Variants in PPARG observed in about 807,000 individuals in gnomAD.
The protein encoded by PPARG is peroxisome proliferator activated receptor gamma, also known as peroxisome proliferator-activated receptor gamma.
Under a neutral mutation model 39.2 loss-of-function variants are expected in PPARG, and 17 were observed. That is an observed-to-expected ratio of 0.43 (90% CI 0.30 to 0.65). The LOEUF is 0.65. Among genes scored for constraint, PPARG ranks in the 30% least tolerant of loss-of-function variants. The probability of loss-of-function intolerance (pLI) is 0.13; values close to 1 mark genes in which losing one functional copy is unlikely to be tolerated. For missense variants in PPARG, 406 were observed against 585.9 expected (o/e 0.69, Z 3.17); for synonymous variants, 223 against 215.7 (o/e 1.03, Z -0.30).
intron 1 of PPARG, among the ~76,000 whole-genome samples, chr3:12,308,507 C>A (rs527346401): frequency 6.6e-6 from 1 of 152,084 alleles, no homozygotes; most frequent in East Asian, 1.9e-4. Flanking sequence ...TTTATTGAGC[C>A]AATCGTTATG....
chr3:12,386,935 G>T (rs1468279629), intron 4 of PPARG, among the ~76,000 whole-genome samples: 1 of 126,602 alleles, frequency 7.9e-6, no homozygotes, highest in Non-Finnish European at 1.6e-5. Flanking sequence ...CATTCTCATT[G>T]TTCCACTCCC....
At chr3:12,392,412 T>C (rs2050108680) in intron 4 of PPARG, among the ~76,000 whole-genome samples, 1 of 152,190 alleles carries the variant, frequency 6.6e-6, no homozygotes, top group Non-Finnish European at 1.5e-5. Flanking sequence ...AAAAGGGACC[T>C]GGAGATCCTC....
At chr3:12,319,987 G>A (rs958898812) in intron 2 of PPARG, among the ~76,000 whole-genome samples, 4 of 152,152 alleles carry the variant, frequency 2.6e-5, no homozygotes, top group Non-Finnish European at 5.9e-5. Flanking sequence ...AAGAGGTTGA[G>A]TAACTTACTC....
chr3:12,340,674 A>G (rs2048157694), intron 2 of PPARG, among the ~76,000 whole-genome samples: 1 of 152,226 alleles, frequency 6.6e-6, no homozygotes, highest in South Asian at 2.1e-4. Context: ...TTATTAGTCC[A>G]CAAACCTGTC....
intron 1 of PPARG, among the ~76,000 whole-genome samples, chr3:12,311,473 A>G (rs1205154635): frequency 6.6e-6 from 1 of 152,242 alleles, no homozygotes; most frequent in East Asian, 1.9e-4. Flanking sequence ...TTCCTGCTAC[A>G]GTTAACAAAA....
intron 7 of PPARG, among the ~76,000 whole-genome samples, chr3:12,424,783 G>A (rs1324306127): frequency 6.6e-6 from 1 of 152,134 alleles, no homozygotes; most frequent in Non-Finnish European, 1.5e-5. Context: ...AGGGACAGGA[G>A]TTCCAAATCC....
chr3:12,424,629 A>C (rs1487482613), intron 7 of PPARG, among the ~76,000 whole-genome samples: 1 of 152,176 alleles, frequency 6.6e-6, no homozygotes, highest in Admixed American at 6.5e-5. Flanking sequence ...GGAAGAATGA[A>C]AACCCAGCAC....
At chr3:12,296,419 A>T (rs926778921) in intron 1 of PPARG, among the ~76,000 whole-genome samples, 2 of 151,592 alleles carry the variant, frequency 1.3e-5, no homozygotes, top group African/African-American at 4.9e-5. Context: ...TGTTTTAGGG[A>T]CTCTGCTTTA....
At chr3:12,310,535 C>T (rs866762101) in intron 1 of PPARG, among the ~76,000 whole-genome samples, 1 of 73,116 alleles carries the variant, frequency 1.4e-5, no homozygotes, top group Non-Finnish European at 2.8e-5. Flanking sequence ...GGGATCTCGG[C>T]TCACTGCAAG....
intron 4 of PPARG, among the ~76,000 whole-genome samples, chr3:12,383,156 A>G (rs1042106863): frequency 1.7e-4 from 26 of 152,172 alleles, no homozygotes; most frequent in Non-Finnish European, 3.4e-4. Flanking sequence ...TGTATCCTTC[A>G]TCAGGCCCCC....
At chr3:12,359,209 G>T (rs527320342) in intron 2 of PPARG, among the ~76,000 whole-genome samples, 3 of 152,106 alleles carry the variant, frequency 2.0e-5, no homozygotes, top group Non-Finnish European at 4.4e-5. Flanking sequence ...CACCTTGCAC[G>T]TAGTATTAGG....
At chr3:12,370,652 T>C (rs1400584186) in intron 2 of PPARG, among the ~76,000 whole-genome samples, 2 of 152,242 alleles carry the variant, frequency 1.3e-5, no homozygotes, top group Non-Finnish European at 2.9e-5. Flanking sequence ...TTTTTCTCTC[T>C]TTTGTGTATT....
At chr3:12,351,635 GATTCCTTCACTGATAC>G (rs2048489977) in intron 2 of PPARG, 3 of 1,611,742 alleles carry the variant, frequency 1.9e-6, no homozygotes, top group Non-Finnish European at 2.5e-6. Context: ...CCCAGAAAGC[GATTCCTTCACTGATAC>G]ACTGTCTGCA....
At chr3:12,350,434 A>G (rs2048447593) in intron 2 of PPARG, among the ~76,000 whole-genome samples, 1 of 152,122 alleles carries the variant, frequency 6.6e-6, no homozygotes, top group Non-Finnish European at 1.5e-5. Context: ...CCAGATATAT[A>G]TTTATTTTAC....
chr3:12,342,473 G>C (rs370958677), intron 2 of PPARG, among the ~76,000 whole-genome samples: 7 of 152,194 alleles, frequency 4.6e-5, no homozygotes, highest in African/African-American at 1.7e-4. Context: ...CTATGGGCTG[G>C]GTATTGTTTG....
intron 2 of PPARG, among the ~76,000 whole-genome samples, chr3:12,364,535 G>A (rs1446244350): frequency 2.0e-5 from 3 of 152,112 alleles, no homozygotes; most frequent in Admixed American, 6.5e-5. Flanking sequence ...GTTTTTTGTG[G>A]ACTTAAGTTT....
intron 1 of PPARG, among the ~76,000 whole-genome samples, chr3:12,304,144 G>A (rs2046998955): frequency 1.3e-5 from 2 of 152,168 alleles, no homozygotes; most frequent in Non-Finnish European, 2.9e-5. Flanking sequence ...CACAAGTCAC[G>A]CAAATTTCTG....
intron 2 of PPARG, among the ~76,000 whole-genome samples, chr3:12,323,573 A>G (rs1031226822): frequency 6.6e-6 from 1 of 152,208 alleles, no homozygotes; most frequent in African/African-American, 2.4e-5. Flanking sequence ...TAAAGTATGA[A>G]TTATCATTGT....
intron 4 of PPARG, among the ~76,000 whole-genome samples, chr3:12,383,443 T>C (rs1170785016): frequency 6.6e-6 from 1 of 152,162 alleles, no homozygotes; most frequent in Non-Finnish European, 1.5e-5. Context: ...TTTTATTGAG[T>C]TTTATTTTAG....
Sources: gnomAD v4.1 joint callset for allele counts (sites outside exome capture counted in the v4.1 genomes callset) on GRCh38, gnomAD v4.1.1 for gene constraint, MANE v1.5 for transcripts, NCBI Gene and HGNC (gene_info 2026-07-23, HGNC 2026-07-21) for gene names.